The following SCHIP1 variants were observed in gnomAD, a reference collection of about 807,000 sequenced individuals.
SCHIP1 encodes the protein schwannomin-interacting protein 1.
A neutral mutation model predicts 29.7 loss-of-function variants in SCHIP1; 8 were observed. The ratio of observed to expected loss-of-function variants is 0.27; its 90% CI spans 0.16 to 0.49. SCHIP1 has a LOEUF of 0.49. SCHIP1 is among the 20% of genes least tolerant of loss of function. SCHIP1 has a pLI of 0.99. For synonymous variants in SCHIP1, 76 were observed against 94.9 expected, an observed-to-expected ratio of 0.80 and a Z score of 1.16; for missense variants, 193 against 294.6, an observed-to-expected ratio of 0.66 and a Z score of 2.52.
At chr3:159,676,276 A>G in the SCHIP1 span, among the ~76,000 whole-genome samples, 9 of 152,202 alleles carry the variant, frequency 5.9e-5, no homozygotes, top group Admixed American at 1.3e-4. Flanking sequence ...TATCTACATC[A>G]AAGTTCAAGA....
At chr3:159,288,191 G>T in the SCHIP1 span, among the ~76,000 whole-genome samples, 34 of 152,202 alleles carry the variant, frequency 2.2e-4, no homozygotes, top group African/African-American at 8.2e-4. Context: ...CTATGTGCAG[G>T]CTGTAAAGAA....
the SCHIP1 span, among the ~76,000 whole-genome samples, chr3:159,773,912 TTG>T: frequency 6.6e-6 from 1 of 152,184 alleles, no homozygotes; most frequent in African/African-American, 2.4e-5. Flanking sequence ...AGGAAAGTAT[TTG>T]TGGGGTTCAG....
the SCHIP1 span, among the ~76,000 whole-genome samples, chr3:159,634,076 A>C: frequency 2.0e-5 from 3 of 152,314 alleles, no homozygotes; most frequent in East Asian, 5.8e-4. Flanking sequence ...GATATGGGGA[A>C]GTTTGGAGGA....
chr3:159,782,902 C>G, the SCHIP1 span, among the ~76,000 whole-genome samples: 1 of 152,174 alleles, frequency 6.6e-6, no homozygotes, highest in Non-Finnish European at 1.5e-5. Context: ...CCAGAGAGCT[C>G]TCCTCCCAGA....
intron 1 of SCHIP1, chr3:159,845,866 G>C (rs1234838304): frequency 3.3e-5 from 5 of 152,216 alleles, no homozygotes; most frequent in African/African-American, 1.2e-4. Flanking sequence ...AGATCCATAC[G>C]TTGTAACAAG....
At chr3:159,457,484 G>A in the SCHIP1 span, among the ~76,000 whole-genome samples, 1 of 152,000 alleles carries the variant, frequency 6.6e-6, no homozygotes, top group Non-Finnish European at 1.5e-5. Context: ...TACTGAGCAG[G>A]TATGAGTTGG....
the SCHIP1 span, among the ~76,000 whole-genome samples, chr3:159,819,142 G>A: frequency 2.6e-5 from 4 of 152,192 alleles, no homozygotes; most frequent in South Asian, 4.1e-4. Context: ...TCCTCACCAC[G>A]TGGCCCTCTC....
At chr3:159,387,337 T>A in the SCHIP1 span, 1 of 373,316 alleles carries the variant, frequency 2.7e-6, no homozygotes, top group East Asian at 7.8e-5. Flanking sequence ...AGCATTTTTA[T>A]GGGCAGGGAG....
the SCHIP1 span, among the ~76,000 whole-genome samples, chr3:159,456,708 C>T: frequency 2.6e-5 from 4 of 152,250 alleles, no homozygotes; most frequent in African/African-American, 7.2e-5. Context: ...GCTTCCACTT[C>T]GTAAAATAAT....
chr3:159,510,453 C>T, the SCHIP1 span, among the ~76,000 whole-genome samples: 1 of 152,176 alleles, frequency 6.6e-6, no homozygotes, highest in Non-Finnish European at 1.5e-5. Context: ...AGTCTGAAGC[C>T]TTCTTCTCTC....
the SCHIP1 span, among the ~76,000 whole-genome samples, chr3:159,795,154 C>T: frequency 0.14 from 20,766 of 152,182 alleles, 1,641 homozygotes; most frequent in Middle Eastern, 0.29. Context: ...GTTTCTGCTC[C>T]AATTCTTCTG....
the SCHIP1 span, among the ~76,000 whole-genome samples, chr3:159,712,745 G>A: frequency 6.7e-6 from 1 of 149,984 alleles, no homozygotes; most frequent in East Asian, 2.0e-4. Flanking sequence ...GGAAGGGAAG[G>A]GAAAGAAAGG....
chr3:159,427,008 T>A, the SCHIP1 span, among the ~76,000 whole-genome samples: 1 of 152,126 alleles, frequency 6.6e-6, no homozygotes, highest in South Asian at 2.1e-4. Context: ...AAACTCTCAA[T>A]AAATTAGGTA....
the SCHIP1 span, among the ~76,000 whole-genome samples, chr3:159,631,225 T>C: frequency 5.3e-5 from 8 of 151,776 alleles, no homozygotes; most frequent in African/African-American, 1.9e-4. Flanking sequence ...ATCAAAACCC[T>C]CATGCATTGC....
the SCHIP1 span, among the ~76,000 whole-genome samples, chr3:159,812,490 A>C: frequency 6.6e-6 from 1 of 152,236 alleles, no homozygotes; most frequent in Non-Finnish European, 1.5e-5. Flanking sequence ...GAACAGTTTC[A>C]CAGTGGAAAC....
the SCHIP1 span, among the ~76,000 whole-genome samples, chr3:159,512,473 A>T: frequency 6.6e-6 from 1 of 152,210 alleles, no homozygotes; most frequent in African/African-American, 2.4e-5. Context: ...TCCCACATGA[A>T]CAAGTTTGTG....
At chr3:159,448,406 C>T in the SCHIP1 span, among the ~76,000 whole-genome samples, 7 of 151,916 alleles carry the variant, frequency 4.6e-5, no homozygotes, top group Admixed American at 4.6e-4. Flanking sequence ...GGGAGGTGGA[C>T]GTTGCAATCA....
chr3:159,517,513 G>A, the SCHIP1 span, among the ~76,000 whole-genome samples: 5 of 152,106 alleles, frequency 3.3e-5, no homozygotes, highest in South Asian at 8.3e-4. Flanking sequence ...GAAAGTAAGT[G>A]TAGAAATGCT....
chr3:159,512,000 G>C, the SCHIP1 span, among the ~76,000 whole-genome samples: 1 of 152,094 alleles, frequency 6.6e-6, no homozygotes, highest in African/African-American at 2.4e-5. Context: ...AAATTTGACC[G>C]CGTTGAATTT....
Sources: gnomAD v4.1 joint callset for allele counts (sites outside exome capture counted in the v4.1 genomes callset) on GRCh38, gnomAD v4.1.1 for gene constraint, MANE v1.5 for transcripts, NCBI Gene and HGNC (gene_info 2026-07-23, HGNC 2026-07-21) for gene names.